The following KCNH1 variants were observed in gnomAD, a reference collection of about 807,000 sequenced individuals.
KCNH1 encodes the protein potassium voltage-gated channel subfamily H member 1, also known as voltage-gated delayed rectifier potassium channel KCNH1.
Under a neutral mutation model 69.2 loss-of-function variants are expected in KCNH1, and 27 were observed. The observed-to-expected ratio is 0.39, with a 90% CI of 0.29 to 0.54. The LOEUF is 0.54. KCNH1 is among the 20% of genes least tolerant of loss of function. The pLI is 0.68. For synonymous variants in KCNH1, 456 were observed against 487.7 expected (o/e 0.93, Z 0.86); for missense variants, 798 against 1,261.6 (o/e 0.63, Z 5.57).
chr1:210,824,654 G>A (rs1162172715), intron 7 of KCNH1, among the ~76,000 whole-genome samples: 1 of 152,160 alleles, frequency 6.6e-6, no homozygotes, highest in African/African-American at 2.4e-5. Flanking sequence ...CATGTAGTTG[G>A]AAAAGGGAGG....
intron 7 of KCNH1, among the ~76,000 whole-genome samples, chr1:210,899,262 G>A (rs1332795534): frequency 6.6e-6 from 1 of 152,094 alleles, no homozygotes; most frequent in Admixed American, 6.5e-5. Flanking sequence ...ATTGCAATGG[G>A]CTGAATACAG....
At chr1:211,024,115 G>A (rs145072178) in intron 5 of KCNH1, among the ~76,000 whole-genome samples, 79 of 152,182 alleles carry the variant, frequency 5.2e-4, no homozygotes, top group African/African-American at 1.6e-3. Context: ...CTCTATGCCC[G>A]GAACTGTTCT....
chr1:210,741,006 T>A (rs1312877881), intron 10 of KCNH1, among the ~76,000 whole-genome samples: 1 of 152,280 alleles, frequency 6.6e-6, no homozygotes, highest in African/African-American at 2.4e-5. Flanking sequence ...AGGTACCTGC[T>A]TTCCCCTCAT....
At position 210,797,707 on chromosome 1, in the gene KCNH1, G is replaced by A. The variant is rs1318618270; in HGVS notation, c.1716C>T (p.Asn572=). ...CCGGGTGCTCCTTGAACACCTTGCG[G>A]TTCAGGTGCACGCAGATGTCGGCTC... ...DMRADICVHL[N]RKVFKEHPAF... The change falls in exon 9 of 11, where the codon AAC becomes AAT. Residue 572 remains asparagine (N), a synonymous_variant. Coordinates refer to ENST00000271751, the MANE Select transcript of KCNH1 (RefSeq NM_172362.3). 1 of 1,614,184 alleles carries A rather than the reference G, an allele frequency of 6.2e-7. No homozygotes were observed. Among genetic ancestry groups the A allele is most frequent in the South Asian group, 1.1e-5 (1 of 91,074 alleles).
chr1:210,845,089 G>A (rs1355417074), intron 7 of KCNH1, among the ~76,000 whole-genome samples: 7 of 150,830 alleles, frequency 4.6e-5, no homozygotes. Flanking sequence ...ATAATCAATA[G>A]CTAACCAACC....
intron 7 of KCNH1, among the ~76,000 whole-genome samples, chr1:210,884,133 C>T (rs774890428): frequency 3.9e-5 from 6 of 152,140 alleles, no homozygotes; most frequent in African/African-American, 1.2e-4. Flanking sequence ...CCCATAGGCA[C>T]GTGCATGCAT....
At chr1:210,949,842 C>A (rs1688030038) in intron 6 of KCNH1, among the ~76,000 whole-genome samples, 1 of 152,148 alleles carries the variant, frequency 6.6e-6, no homozygotes, top group East Asian at 1.9e-4. Flanking sequence ...CAATTCCAGG[C>A]CTTGGCAACA....
At chr1:210,854,676 A>G (rs2102471460) in intron 7 of KCNH1, among the ~76,000 whole-genome samples, 1 of 152,340 alleles carries the variant, frequency 6.6e-6, no homozygotes, top group East Asian at 1.9e-4. Context: ...GGCCATGGTT[A>G]CAGGGACCAC....
chr1:211,001,290 C>G (rs1230416369), intron 6 of KCNH1, among the ~76,000 whole-genome samples: 4 of 152,156 alleles, frequency 2.6e-5, no homozygotes, highest in African/African-American at 4.8e-5. Context: ...TATCCAGAAT[C>G]TACAATGAAC....
At chr1:210,832,545 C>T (rs1318484557) in intron 7 of KCNH1, among the ~76,000 whole-genome samples, 2 of 152,006 alleles carry the variant, frequency 1.3e-5, no homozygotes, top group African/African-American at 4.8e-5. Flanking sequence ...AAACTAAACA[C>T]AAATATTTTA....
intron 6 of KCNH1, among the ~76,000 whole-genome samples, chr1:210,982,211 C>CGA (rs1258128724): frequency 7.3e-6 from 1 of 136,638 alleles, no homozygotes; most frequent in Non-Finnish European, 1.6e-5. Flanking sequence ...GAAAAGGATG[C>CGA]GAGAATACTT....
chr1:210,687,732 A>G lies in KCNH1; in HGVS notation c.2113-3594T>C, dbSNP rs561021212. ...AAGTTAGTCACGGAGTCTGTCTCAGAGGCAGCCATGACCACGCATTTTGCC... is the reference window on the plus strand; with the variant it reads ...AAGTTAGTCACGGAGTCTGTCTCAGGGGCAGCCATGACCACGCATTTTGCC... On this transcript the variant is annotated intron_variant, in intron 10 of 10. Transcript: ENST00000271751. 3.3e-5 allele frequency among the ~76,000 whole-genome samples: 5 copies of G among 152,364 alleles called. No individual in the cohort carries two copies. In the East Asian group the frequency reaches 9.6e-4, roughly 29 times the overall value.
intron 10 of KCNH1, among the ~76,000 whole-genome samples, chr1:210,746,151 T>C (rs1334557781): frequency 6.6e-5 from 10 of 152,150 alleles, no homozygotes; most frequent in Admixed American, 6.5e-4. Context: ...ACTGTCATGG[T>C]GGCCAGCTCC....
intron 1 of KCNH1, among the ~76,000 whole-genome samples, chr1:211,130,244 T>C (rs1691851992): frequency 6.6e-6 from 1 of 152,184 alleles, no homozygotes; most frequent in South Asian, 2.1e-4. Context: ...ATATGGAGTA[T>C]TAATTATTTC....
At chr1:211,089,721 A>T (rs1691019254) in intron 4 of KCNH1, among the ~76,000 whole-genome samples, 1 of 152,254 alleles carries the variant, frequency 6.6e-6, no homozygotes. Context: ...TCTCCAGCAG[A>T]GCTGAAAAAT....
chr1:210,836,666 T>C (rs1053245776), intron 7 of KCNH1, among the ~76,000 whole-genome samples: 2 of 152,088 alleles, frequency 1.3e-5, no homozygotes, highest in Non-Finnish European at 2.9e-5. Flanking sequence ...ATAAAAAATA[T>C]ATGGCGTCTC....
intron 7 of KCNH1, among the ~76,000 whole-genome samples, chr1:210,864,568 G>C (rs756367266): frequency 6.6e-6 from 1 of 152,164 alleles, no homozygotes; most frequent in Non-Finnish European, 1.5e-5. Flanking sequence ...CTAAGGGTTT[G>C]GGCTGCAGCT....
At chr1:211,000,233 C>T (rs1311147754) in intron 6 of KCNH1, among the ~76,000 whole-genome samples, 1 of 152,178 alleles carries the variant, frequency 6.6e-6, no homozygotes, top group African/African-American at 2.4e-5. Flanking sequence ...TCCCTGTTTG[C>T]AGATGTCATG....
Position 210,993,676 on chromosome 1 carries a change from A to G in KCNH1, c.1032+25107T>C, listed in dbSNP as rs562753745. Among the ~76,000 whole-genome samples, 9 of 152,340 alleles carry G rather than the reference A, an allele frequency of 5.9e-5. No homozygotes were observed. The South Asian group carries it at 1.7e-3, about 28-fold the overall frequency. On this transcript the variant is annotated intron_variant, in intron 6 of 10. Coordinates refer to ENST00000271751, the MANE Select transcript of KCNH1 (RefSeq NM_172362.3). ...ACATTCTTTGTGCTCCCTTTTCTAT[A>G]TACTGTGGCCATGACGTGTTGTTGG...
Sources: allele counts gnomAD v4.1 joint callset (sites outside exome capture counted in the v4.1 genomes callset), GRCh38; gene constraint gnomAD v4.1.1; transcripts MANE v1.5; gene names NCBI Gene and HGNC (gene_info 2026-07-23, HGNC 2026-07-21).